ADAMTS16: variants seen among roughly 807,000 people sequenced by gnomAD.
The protein encoded by ADAMTS16 is A disintegrin and metalloproteinase with thrombospondin motifs 16.
ADAMTS16 carries 94 observed loss-of-function variants against 145.8 expected under a neutral mutation model. The ratio of observed to expected loss-of-function variants is 0.64; its 90% confidence interval spans 0.55 to 0.77. The LOEUF is 0.77. Among genes scored for constraint, ADAMTS16 ranks in the 30% least tolerant of loss-of-function variants. The pLI is 0.00. For synonymous variants in ADAMTS16, 659 were observed against 604.3 expected, an observed-to-expected ratio of 1.09 and a Z score of -1.33; for missense variants, 1,585 against 1,591.5, an observed-to-expected ratio of 1.00 and a Z score of 0.07.
At chr5:5,243,030 G>A (rs1737342034) in intron 17 of ADAMTS16, among the ~76,000 whole-genome samples, 1 of 152,134 alleles carries the variant, frequency 6.6e-6, no homozygotes, top group African/African-American at 2.4e-5. Context: ...GTTCATAAAT[G>A]AGAACTGGCA....
At chr5:5,265,807 C>T (rs1171558511) in intron 18 of ADAMTS16, among the ~76,000 whole-genome samples, 1 of 152,100 alleles carries the variant, frequency 6.6e-6, no homozygotes, top group Non-Finnish European at 1.5e-5. Context: ...TCACTGTAAC[C>T]TTGATTGAAG....
intron 17 of ADAMTS16, among the ~76,000 whole-genome samples, chr5:5,259,378 C>G (rs7737931): frequency 0.4 from 60,778 of 152,122 alleles, 13,393 homozygotes; most frequent in Non-Finnish European, 0.5. Context: ...GAGGTTCAGG[C>G]AGCTGAGCAT....
At chr5:5,183,571 C>A (rs1294601490) in intron 4 of ADAMTS16, among the ~76,000 whole-genome samples, 1 of 152,216 alleles carries the variant, frequency 6.6e-6, no homozygotes, top group African/African-American at 2.4e-5. Context: ...ACACACCAAG[C>A]TCTTAAGCAG....
intron 11 of ADAMTS16, among the ~76,000 whole-genome samples, chr5:5,231,135 C>A (rs781593165): frequency 1.3e-5 from 2 of 152,188 alleles, no homozygotes; most frequent in Non-Finnish European, 2.9e-5. Context: ...CTATTCCAGG[C>A]AATGGGCTTC....
chr5:5,163,257 CT>C, intron 3 of ADAMTS16, among the ~76,000 whole-genome samples: 1 of 152,150 alleles, frequency 6.6e-6, no homozygotes, highest in South Asian at 2.1e-4. Flanking sequence ...TTTTAGAAAC[CT>C]TTTGTTTTGC....
chr5:5,206,583 G>A (rs1419174039), intron 9 of ADAMTS16, among the ~76,000 whole-genome samples: 3 of 151,054 alleles, frequency 2.0e-5, no homozygotes. Context: ...GGGTTCAAGC[G>A]ATTCTCCTGC....
At chr5:5,225,249 C>T (rs1231319766) in intron 11 of ADAMTS16, among the ~76,000 whole-genome samples, 1 of 152,076 alleles carries the variant, frequency 6.6e-6, no homozygotes, top group African/African-American at 2.4e-5. Context: ...GGACAAAAAT[C>T]ACAGGAGGAC....
intron 3 of ADAMTS16, among the ~76,000 whole-genome samples, chr5:5,173,838 C>G (rs1335915215): frequency 6.6e-6 from 1 of 152,116 alleles, no homozygotes; most frequent in Non-Finnish European, 1.5e-5. Flanking sequence ...AATAAAAATT[C>G]TGTGCTTTAA....
chr5:5,164,152 C>T (rs1374129721), intron 3 of ADAMTS16, among the ~76,000 whole-genome samples: 3 of 152,174 alleles, frequency 2.0e-5, no homozygotes, highest in African/African-American at 4.8e-5. Flanking sequence ...CTATCAGTCC[C>T]GTTTTCAGCG....
chr5:5,302,692 CAT>C (rs998622177), intron 18 of ADAMTS16, among the ~76,000 whole-genome samples: 1 of 152,160 alleles, frequency 6.6e-6, no homozygotes, highest in Non-Finnish European at 1.5e-5. Flanking sequence ...CTCAAACAAA[CAT>C]ATTAAATTAT....
In ADAMTS16 at chr5:5,140,780, G is replaced by A; in HGVS notation, c.175+14G>A. 3.9e-6 allele frequency: 6 copies of A among 1,546,846 alleles called. No individual in the cohort carries two copies. Among genetic ancestry groups the A allele is most frequent in the Non-Finnish European group, 4.4e-6 (5 of 1,145,838 alleles). On this transcript the variant is annotated intron_variant, in intron 2 of 22. Coordinates refer to ENST00000274181, the MANE Select transcript of ADAMTS16 (RefSeq NM_139056.4). ...TGGAAAAGGGCGGTAAGTCCGTGAG[G>A]TGGGGGCTTCTAATCCTTGCCATTT...
At chr5:5,218,453 C>T (rs550854564) in intron 10 of ADAMTS16, among the ~76,000 whole-genome samples, 1 of 152,136 alleles carries the variant, frequency 6.6e-6, no homozygotes, top group Non-Finnish European at 1.5e-5. Context: ...TCCGGCCCCA[C>T]GGCAGCCTCT....
intron 8 of ADAMTS16, 87 bp from the exon 9 acceptor site, chr5:5,200,045 T>A (rs1005143730): frequency 2.1e-5 from 30 of 1,453,700 alleles, no homozygotes; most frequent in Non-Finnish European, 2.8e-5. Flanking sequence ...AGTCTCACAG[T>A]CTTGACTTGT....
intron 11 of ADAMTS16, 157 bp downstream of exon 11, chr5:5,223,041 A>G: frequency 1.7e-6 from 1 of 573,344 alleles, no homozygotes; most frequent in East Asian, 2.8e-5. Context: ...TTTTATATTG[A>G]TAATGTGAAG....
Position 5,310,189 on chromosome 5 carries a change from G to A in ADAMTS16, c.3411+3461G>A, listed in dbSNP as rs993924180. 3.9e-5 allele frequency among the ~76,000 whole-genome samples: 6 copies of A among 152,044 alleles called. No individual in the cohort carries two copies. The highest frequency in any genetic ancestry group is 3.3e-4 in the Admixed American group (5 of 15,268). On this transcript the variant is annotated intron_variant, in intron 21 of 22. Coordinates refer to ENST00000274181, the MANE Select transcript of ADAMTS16 (RefSeq NM_139056.4). The surrounding 1 kb of genome is among the most constrained non-coding windows in gnomAD (Gnocchi z 4.3). ...TCAGATGGAACCATTTGTCCCTGAC[G>A]ATGACCAGCTCTCCCCAAGCCTGTG...
intron 3 of ADAMTS16, among the ~76,000 whole-genome samples, chr5:5,180,962 T>C (rs1240509731): frequency 6.6e-6 from 1 of 152,244 alleles, no homozygotes; most frequent in African/African-American, 2.4e-5. Flanking sequence ...TTATCATCAG[T>C]ACGTAACTCT....
intron 18 of ADAMTS16, among the ~76,000 whole-genome samples, chr5:5,290,092 C>A (rs914998276): frequency 6.6e-6 from 1 of 152,170 alleles, no homozygotes; most frequent in African/African-American, 2.4e-5. Context: ...ATCTTCTCAG[C>A]GATTTAGGAA....
chr5:5,235,497 GT>G (rs1560961369), intron 13 of ADAMTS16, among the ~76,000 whole-genome samples: 1 of 152,128 alleles, frequency 6.6e-6, no homozygotes, highest in Non-Finnish European at 1.5e-5. Context: ...GAATCAGTAT[GT>G]TTTTGAATTA....
intron 21 of ADAMTS16, among the ~76,000 whole-genome samples, chr5:5,307,750 CAG>C (rs1740239445): frequency 6.6e-6 from 1 of 152,206 alleles, no homozygotes. Context: ...AACTGAGGCA[CAG>C]AGTCAGCTCC....
Sources: gnomAD v4.1 joint callset for allele counts (sites outside exome capture counted in the v4.1 genomes callset) on GRCh38, gnomAD v4.1.1 for gene constraint, Gnocchi (gnomAD v3.1) non-coding constraint, MANE v1.5 for transcripts, NCBI Gene and HGNC (gene_info 2026-07-23, HGNC 2026-07-21) for gene names.